FNDC10: variants seen among roughly 807,000 people sequenced by gnomAD.
FNDC10 encodes the protein fibronectin type III domain containing 10, also known as fibronectin type III domain-containing protein 10.
In FNDC10, 8 loss-of-function variants were observed where a neutral mutation model predicts 11.6. That is an observed-to-expected ratio of 0.69 (90% confidence interval 0.41 to 1.25). The LOEUF (loss-of-function observed/expected upper bound fraction) is 1.25. Among genes scored for constraint, FNDC10 ranks in the 50% most tolerant of loss-of-function variants. The pLI, the probability that FNDC10 is intolerant of heterozygous loss-of-function variation, is 0.01. For synonymous variants in FNDC10, 187 were observed against 162.9 expected, an observed-to-expected ratio of 1.15 and a Z score of -1.12; for missense variants, 308 against 330.2, an observed-to-expected ratio of 0.93 and a Z score of 0.52.
In FNDC10 at chr1:1,600,082, C is replaced by A. The variant is rs1231211718; in HGVS notation, c.-67G>T. 118 of 828,734 alleles carry A rather than the reference C, an allele frequency of 1.4e-4. No homozygotes were observed. Among genetic ancestry groups the A allele is most frequent in the Non-Finnish European group, 1.6e-4 (113 of 690,558 alleles). The allele number at this position is 828,734 out of a possible 1,614,324, so 51.3% of individuals were successfully genotyped here. A position where few individuals can be genotyped will look rare whatever the true frequency, so the allele number is the denominator to read the frequency against. On this transcript the variant is annotated 5_prime_UTR_variant, in exon 1 of 1. Coordinates refer to ENST00000422725, the MANE Select transcript of FNDC10 (RefSeq NM_001242659.2). ...CCGCGCCGCCGCCGTCCCCGCTGCCCGCTCCCCGCGATCCCCGGCGCGCCG... is the reference window on the plus strand; with the variant it reads ...CCGCGCCGCCGCCGTCCCCGCTGCCAGCTCCCCGCGATCCCCGGCGCGCCG...
At position 1,599,888 on chromosome 1, in the gene FNDC10, G is replaced by C. The variant is rs1158738771; in HGVS notation, c.128C>G (p.Pro43Arg). ...CCCGCCGCCCGCCTCGGGGCCCTCG[G>C]GCAGCACCTTGTAGGGGCACCAGGG... is the stretch of plus-strand genomic sequence containing the variant. ...DAPWCPYKVL[P>R]EGPEAGGGRL... Residue 43 changes from proline (P) to arginine (R), a missense_variant, in exon 1 of 1, where the codon CCC (proline) becomes CGC (arginine). By Grantham distance (103) the Pro-to-Arg change is moderately radical. Transcript: ENST00000422725. This position sits in a 1 kb window ranked among gnomAD's most constrained non-coding sequence, Gnocchi z 6.7. 9.8e-7 allele frequency: 1 copy of C among 1,017,272 alleles called. No homozygotes were observed. The highest frequency in any genetic ancestry group is 1.2e-6 in the Non-Finnish European group (1 of 853,006). The allele number at this position is 1,017,272 out of a possible 1,614,324, so 63.0% of individuals were successfully genotyped here.
Position 1,598,270 on chromosome 1 carries a change from GTCGT to G in FNDC10, c.*1061_*1064del, listed in dbSNP as rs1643070601. 2 of 152,458 alleles carry G rather than the reference GTCGT, an allele frequency of 1.3e-5. No individual in the cohort carries two copies. The highest frequency in any genetic ancestry group is 1.3e-4 in the Admixed American group (2 of 15,294). The allele number at this position is 152,458 out of a possible 1,614,324, so 9.4% of individuals were successfully genotyped here. On this transcript the variant is annotated 3_prime_UTR_variant, in exon 1 of 1. Transcript: ENST00000422725. ...TCCTGGTGTCCAGCGTCACCAGGCG[GTCGT>G]CACAGAAAGCAACCTCGGCCCGGGG...
In FNDC10 at chr1:1,599,815, C is replaced by A; in HGVS notation, c.201G>T (p.Pro67=). The change falls in exon 1 of 1, where the codon CCG becomes CCT. Residue 67 remains proline, a synonymous_variant. Transcript: ENST00000422725. The surrounding 1 kb of genome is among the most constrained non-coding windows in gnomAD (Gnocchi z 6.7). ...CGGCCGGGGCGTGCAGCACGCAGCCCGGAGCCTGGCAGCGGAAGCCGCGCG... is the reference window on the plus strand; with the variant it reads ...CGGCCGGGGCGTGCAGCACGCAGCCAGGAGCCTGGCAGCGGAAGCCGCGCG... The part of the protein sequence containing the change: ...SPARGFRCQA[P]GCVLHAPAGR... The A allele has an allele frequency of 2.6e-6, 3 of 1,149,524 alleles. No homozygotes were observed. Among genetic ancestry groups the A allele is most frequent in the Non-Finnish European group, 2.1e-6 (2 of 938,422 alleles). 71.2% of individuals were successfully genotyped at this position (1,149,524 alleles called of 1,614,324 possible). A position where few individuals can be genotyped will look rare whatever the true frequency, so the allele number is the denominator to read the frequency against.
Position 1,599,357 on chromosome 1 carries a change from G to C in FNDC10, c.659C>G (p.Pro220Arg), listed in dbSNP as rs1454156858. ...ENLMRPALARPGLRRHP is the reference protein window; with the variant it reads ...ENLMRPALARRGLRRHP ...GCTTCAGGGGTGTCTGCGCAGGCCG[G>C]GGCGCGCGAGGGCCGGGCGCATGAG... The change falls in exon 1 of 1, where the codon CCC becomes CGC. Residue 220 changes from proline (P) to arginine (R), a missense_variant. Transcript: ENST00000422725. This position sits in a 1 kb window ranked among gnomAD's most constrained non-coding sequence, Gnocchi z 6.7. The C allele has an allele frequency of 1.3e-6, 2 of 1,524,774 alleles. No individual in the cohort carries two copies. The highest frequency in any genetic ancestry group is 1.7e-6 in the Non-Finnish European group (2 of 1,142,976). 94.5% of individuals were successfully genotyped at this position (1,524,774 alleles called of 1,614,324 possible).
rs1167818912 is a variant in FNDC10, at chr1:1,600,041, C to T, written c.-26G>A. 12 of 975,262 alleles carry T rather than the reference C, an allele frequency of 1.2e-5. No individual in the cohort carries two copies. In the South Asian group the frequency reaches 4.7e-4, roughly 38 times the overall value. The allele number at this position is 975,262 out of a possible 1,614,324, so 60.4% of individuals were successfully genotyped here. On this transcript the variant is annotated 5_prime_UTR_variant, in exon 1 of 1. Coordinates refer to ENST00000422725, the MANE Select transcript of FNDC10 (RefSeq NM_001242659.2). ...CCTGCGGCGGGGCCACGGGGCGCGG[C>T]GCTGGGTCACGCGGGCCGCGCCGCC...
In FNDC10 at chr1:1,599,707, C is replaced by A; in HGVS notation, c.309G>T (p.Val103=). The A allele has an allele frequency of 7.4e-7, 1 of 1,347,076 alleles. No homozygotes were observed. The highest frequency in any genetic ancestry group is 9.5e-7 in the Non-Finnish European group (1 of 1,057,460). 83.4% of individuals were successfully genotyped at this position (1,347,076 alleles called of 1,614,324 possible). ...ACGAGCAGTTGAGCGCGAAGGCGCG[C>A]ACGCGGCGCGCGGCGGCCGGGGCCA... is the stretch of plus-strand genomic sequence containing the variant. ...WRLAPAAARR[V]RAFALNCSWR... Residue 103 remains valine, a synonymous_variant, in exon 1 of 1, where the codon GTG becomes GTT. Coordinates refer to ENST00000422725, the MANE Select transcript of FNDC10 (RefSeq NM_001242659.2). This position sits in a 1 kb window ranked among gnomAD's most constrained non-coding sequence, Gnocchi z 6.7.
rs1643082647 is a variant in FNDC10 at position 1,599,300 on chromosome 1, C to G, written c.*35G>C. 3 of 1,455,332 alleles carry G rather than the reference C, an allele frequency of 2.1e-6. No homozygotes were observed. The African/African-American group carries it at 4.4e-5, about 21-fold the overall frequency. The allele number at this position is 1,455,332 out of a possible 1,614,324, so 90.2% of individuals were successfully genotyped here. On this transcript the variant is annotated 3_prime_UTR_variant, in exon 1 of 1. Transcript: ENST00000422725. The surrounding 1 kb of genome is among the most constrained non-coding windows in gnomAD (Gnocchi z 6.7). Reference sequence around the variant, plus strand: ...ACCTGGGAGCTCAGGCGCCCTCAGGCAGGTGGCGCAAAGATGGGCGGGCGG... The same window carrying G: ...ACCTGGGAGCTCAGGCGCCCTCAGGGAGGTGGCGCAAAGATGGGCGGGCGG...
chr1:1,599,734 G>C lies in FNDC10; in HGVS notation c.282C>G (p.Arg94=). 7.6e-7 allele frequency: 1 copy of C among 1,322,518 alleles called. No homozygotes were observed. Among genetic ancestry groups the C allele is most frequent in the Non-Finnish European group, 9.6e-7 (1 of 1,043,874 alleles). The allele number at this position is 1,322,518 out of a possible 1,614,324, so 81.9% of individuals were successfully genotyped here. ...LRNRSVLLQW[R]LAPAAARRVR... is the part of the protein sequence containing the mutation. ...CGCGGCGCGCGGCGGCCGGGGCCAG[G>C]CGCCACTGCAGGAGGACGCTGCGGT... Residue 94 remains arginine (R), a synonymous_variant, in exon 1 of 1, where the codon CGC becomes CGG. Coordinates refer to ENST00000422725, the MANE Select transcript of FNDC10 (RefSeq NM_001242659.2). This position sits in a 1 kb window ranked among gnomAD's most constrained non-coding sequence, Gnocchi z 6.7.
rs1468598209 is a variant in FNDC10, at chr1:1,599,709, C to G, written c.307G>C (p.Val103Leu). The G allele has an allele frequency of 1.5e-6, 2 of 1,338,994 alleles. No homozygotes were observed. Among genetic ancestry groups the G allele is most frequent in the South Asian group, 1.9e-5 (1 of 52,556 alleles). 82.9% of individuals were successfully genotyped at this position (1,338,994 alleles called of 1,614,324 possible). ...GAGCAGTTGAGCGCGAAGGCGCGCACGCGGCGCGCGGCGGCCGGGGCCAGG... is the reference window on the plus strand; with the variant it reads ...GAGCAGTTGAGCGCGAAGGCGCGCAGGCGGCGCGCGGCGGCCGGGGCCAGG... ...WRLAPAAARRVRAFALNCSWR... is the reference protein window; with the variant it reads ...WRLAPAAARRLRAFALNCSWR... Residue 103 changes from valine (V) to leucine (L), a missense_variant, in exon 1 of 1, where the codon GTG (valine) becomes CTG (leucine). Coordinates refer to ENST00000422725, the MANE Select transcript of FNDC10 (RefSeq NM_001242659.2). The surrounding 1 kb of genome is among the most constrained non-coding windows in gnomAD (Gnocchi z 6.7).
chr1:1,599,896 C>T lies in FNDC10; in HGVS notation c.120G>A (p.Lys40=), dbSNP rs1408538192. ...PTPDAPWCPY[K]VLPEGPEAGG... ...CCGCCTCGGGGCCCTCGGGCAGCACCTTGTAGGGGCACCAGGGCGCGTCGG... is the reference window on the plus strand; with the variant it reads ...CCGCCTCGGGGCCCTCGGGCAGCACTTTGTAGGGGCACCAGGGCGCGTCGG... The change falls in exon 1 of 1, where the codon AAG becomes AAA. Residue 40 remains lysine (K), a synonymous_variant. Coordinates refer to ENST00000422725, the MANE Select transcript of FNDC10 (RefSeq NM_001242659.2). The surrounding 1 kb of genome is among the most constrained non-coding windows in gnomAD (Gnocchi z 6.7). 9.9e-7 allele frequency: 1 copy of T among 1,011,924 alleles called. No homozygotes were observed. The highest frequency in any genetic ancestry group is 1.2e-6 in the Non-Finnish European group (1 of 849,406). The allele number at this position is 1,011,924 out of a possible 1,614,324, so 62.7% of individuals were successfully genotyped here. A position where few individuals can be genotyped will look rare whatever the true frequency, so the allele number is the denominator to read the frequency against.
At position 1,600,027 on chromosome 1, in the gene FNDC10, G is replaced by T; in HGVS notation, c.-12C>A. The T allele has an allele frequency of 2.0e-6, 2 of 978,692 alleles. No individual in the cohort carries two copies. Among genetic ancestry groups the T allele is most frequent in the Non-Finnish European group, 1.2e-6 (1 of 826,828 alleles). The allele number at this position is 978,692 out of a possible 1,614,324, so 60.6% of individuals were successfully genotyped here. ...GGCGGGGCGCGCATCCTGCGGCGGG[G>T]CCACGGGGCGCGGCGCTGGGTCACG... On this transcript the variant is annotated 5_prime_UTR_variant, in exon 1 of 1. Transcript: ENST00000422725.
Position 1,599,629 on chromosome 1 carries a change from G to A in FNDC10, c.387C>T (p.Ser129=), listed in dbSNP as rs913039187. Residue 129 remains serine, a synonymous_variant, in exon 1 of 1, where the codon TCC becomes TCT. Coordinates refer to ENST00000422725, the MANE Select transcript of FNDC10 (RefSeq NM_001242659.2). This position sits in a 1 kb window ranked among gnomAD's most constrained non-coding sequence, Gnocchi z 6.7. ...CGTCGGGCAGCAGGTAGTCGCGGCAGGAGGCCCCGAGGAGCACGCGCTCGC... is the reference window on the plus strand; with the variant it reads ...CGTCGGGCAGCAGGTAGTCGCGGCAAGAGGCCCCGAGGAGCACGCGCTCGC... ...FPCERVLLGA[S]CRDYLLPDVH... 1 of 1,495,636 alleles carries A rather than the reference G, an allele frequency of 6.7e-7. No homozygotes were observed. The highest frequency in any genetic ancestry group is 2.1e-5 in the Admixed American group (1 of 47,326). The allele number at this position is 1,495,636 out of a possible 1,614,324, so 92.6% of individuals were successfully genotyped here.
rs1570421316 is a variant in FNDC10 at position 1,599,285 on chromosome 1, TCAGGCG to T, written c.*44_*49del. The T allele has an allele frequency of 1.4e-5, 20 of 1,422,198 alleles. No homozygotes were observed. The highest frequency in any genetic ancestry group is 8.0e-5 in the Admixed American group (3 of 37,594). 88.1% of individuals were successfully genotyped at this position (1,422,198 alleles called of 1,614,324 possible). On this transcript the variant is annotated 3_prime_UTR_variant, in exon 1 of 1. Coordinates refer to ENST00000422725, the MANE Select transcript of FNDC10 (RefSeq NM_001242659.2). This position sits in a 1 kb window ranked among gnomAD's most constrained non-coding sequence, Gnocchi z 6.7. ...GAGAGCGGGCGGAGGACCTGGGAGCTCAGGCGCCCTCAGGCAGGTGGCGCAAAGATG... is the reference window on the plus strand; with the variant it reads ...GAGAGCGGGCGGAGGACCTGGGAGCTCCCTCAGGCAGGTGGCGCAAAGATG...
At position 1,599,247 on chromosome 1, in the gene FNDC10, G is replaced by C; in HGVS notation, c.*88C>G. On this transcript the variant is annotated 3_prime_UTR_variant, in exon 1 of 1. Coordinates refer to ENST00000422725, the MANE Select transcript of FNDC10 (RefSeq NM_001242659.2). This position sits in a 1 kb window ranked among gnomAD's most constrained non-coding sequence, Gnocchi z 6.7. ...CCGCGGGGATCTTAAGGAGGCAGCA[G>C]GAATGAGGAGAGGAGAGCGGGCGGA... is the stretch of plus-strand genomic sequence containing the variant. 1 of 1,268,884 alleles carries C rather than the reference G, an allele frequency of 7.9e-7. No individual in the cohort carries two copies. The highest frequency in any genetic ancestry group is 1.0e-6 in the Non-Finnish European group (1 of 957,884). The allele number at this position is 1,268,884 out of a possible 1,614,324, so 78.6% of individuals were successfully genotyped here. A position where few individuals can be genotyped will look rare whatever the true frequency, so the allele number is the denominator to read the frequency against.
chr1:1,599,958 C>G lies in FNDC10; in HGVS notation c.58G>C (p.Ala20Pro). Residue 20 changes from alanine to proline, a missense_variant, in exon 1 of 1, where the codon GCG (alanine) becomes CCG (proline). By Grantham distance (27) the Ala-to-Pro change is conservative (BLOSUM62 -1). Coordinates refer to ENST00000422725, the MANE Select transcript of FNDC10 (RefSeq NM_001242659.2). The surrounding 1 kb of genome is among the most constrained non-coding windows in gnomAD (Gnocchi z 6.7). ...CAGCCCGGCGGCGTCGGGGCGGCCG[C>G]GGCGCAGGGCGGCGGCGCGCAGGCG... ...LAACAPPPCAAAAPTPPGWEP... is the reference protein window; with the variant it reads ...LAACAPPPCAPAAPTPPGWEP... The G allele has an allele frequency of 4.1e-6, 4 of 983,992 alleles. No homozygotes were observed. Among genetic ancestry groups the G allele is most frequent in the Non-Finnish European group, 4.8e-6 (4 of 830,716 alleles). The allele number at this position is 983,992 out of a possible 1,614,324, so 61.0% of individuals were successfully genotyped here. A position where few individuals can be genotyped will look rare whatever the true frequency, so the allele number is the denominator to read the frequency against.
In FNDC10 at chr1:1,600,109, G is replaced by A; in HGVS notation, c.-94C>T. On this transcript the variant is annotated 5_prime_UTR_variant, in exon 1 of 1. Transcript: ENST00000422725. ...CTCCCCGCGATCCCCGGCGCGCCGCGCCCTCCGCCGCCGCCCGCTCCGACC... is the reference window on the plus strand; with the variant it reads ...CTCCCCGCGATCCCCGGCGCGCCGCACCCTCCGCCGCCGCCCGCTCCGACC... 1.8e-6 allele frequency: 1 copy of A among 555,516 alleles called. No individual in the cohort carries two copies. Among genetic ancestry groups the A allele is most frequent in the Non-Finnish European group, 2.3e-6 (1 of 440,686 alleles). The allele number at this position is 555,516 out of a possible 1,614,324, so 34.4% of individuals were successfully genotyped here.
Position 1,600,057 on chromosome 1 carries a change from C to T in FNDC10, c.-42G>A, listed in dbSNP as rs1439658958. The T allele has an allele frequency of 3.1e-6, 3 of 955,860 alleles. No individual in the cohort carries two copies. The East Asian group carries it at 3.5e-4, about 113-fold the overall frequency. The allele number at this position is 955,860 out of a possible 1,614,324, so 59.2% of individuals were successfully genotyped here. A position where few individuals can be genotyped will look rare whatever the true frequency, so the allele number is the denominator to read the frequency against. On this transcript the variant is annotated 5_prime_UTR_variant, in exon 1 of 1. Coordinates refer to ENST00000422725, the MANE Select transcript of FNDC10 (RefSeq NM_001242659.2). Reference sequence around the variant, plus strand: ...GGGGCGCGGCGCTGGGTCACGCGGGCCGCGCCGCCGCCGTCCCCGCTGCCC... The same window carrying T: ...GGGGCGCGGCGCTGGGTCACGCGGGTCGCGCCGCCGCCGTCCCCGCTGCCC...
chr1:1,599,714 C>T lies in FNDC10; in HGVS notation c.302G>A (p.Arg101His). 2 of 1,335,034 alleles carry T rather than the reference C, an allele frequency of 1.5e-6. No homozygotes were observed. Among genetic ancestry groups the T allele is most frequent in the South Asian group, 1.9e-5 (1 of 51,834 alleles). 82.7% of individuals were successfully genotyped at this position (1,335,034 alleles called of 1,614,324 possible). The part of the protein sequence containing the change: ...LQWRLAPAAA[R>H]RVRAFALNCS... Reference sequence around the variant, plus strand: ...GTTGAGCGCGAAGGCGCGCACGCGGCGCGCGGCGGCCGGGGCCAGGCGCCA... The same window carrying T: ...GTTGAGCGCGAAGGCGCGCACGCGGTGCGCGGCGGCCGGGGCCAGGCGCCA... Residue 101 changes from arginine (R) to histidine (H), a missense_variant, in exon 1 of 1, where the codon CGC (arginine) becomes CAC (histidine). Arg to His is a conservative substitution (Grantham distance 29, BLOSUM62 0). Transcript: ENST00000422725. This position sits in a 1 kb window ranked among gnomAD's most constrained non-coding sequence, Gnocchi z 6.7.
In FNDC10 at chr1:1,599,538, C is replaced by T. The variant is rs1431907301; in HGVS notation, c.478G>A (p.Ala160Thr). 3 of 1,504,542 alleles carry T rather than the reference C, an allele frequency of 2.0e-6. No homozygotes were observed. Among genetic ancestry groups the T allele is most frequent in the South Asian group, 1.2e-5 (1 of 80,336 alleles). The allele number at this position is 1,504,542 out of a possible 1,614,324, so 93.2% of individuals were successfully genotyped here. ...GCCGGCTCGGGGGTCTCTGGCGCGGCGGCGGCGGGCCCAGCGCGCAGCGGC... is the reference window on the plus strand; with the variant it reads ...GCCGGCTCGGGGGTCTCTGGCGCGGTGGCGGCGGGCCCAGCGCGCAGCGGC... ...PLPLRAGPAA[A>T]APETPEPAEC... Residue 160 changes from alanine to threonine, a missense_variant, in exon 1 of 1, where the codon GCC becomes ACC. By Grantham distance (58) the Ala-to-Thr change is moderately conservative (BLOSUM62 0). Coordinates refer to ENST00000422725, the MANE Select transcript of FNDC10 (RefSeq NM_001242659.2). The surrounding 1 kb of genome is among the most constrained non-coding windows in gnomAD (Gnocchi z 6.7).
Sources: gnomAD v4.1 joint callset for allele counts on GRCh38, gnomAD v4.1.1 for gene constraint, Gnocchi (gnomAD v3.1) non-coding constraint, MANE v1.5 for transcripts, NCBI Gene and HGNC (gene_info 2026-07-23, HGNC 2026-07-21) for gene names.